KCNN3: variants seen among roughly 807,000 people sequenced by gnomAD.
KCNN3 encodes the protein small conductance calcium-activated potassium channel protein 3.
In KCNN3, 16 loss-of-function variants were observed where a neutral mutation model predicts 62.9. The observed-to-expected ratio is 0.25, with a 90% CI of 0.17 to 0.39. KCNN3 has a LOEUF of 0.39. Ranked by LOEUF, KCNN3 falls within the 10% of genes least tolerant of loss-of-function variation. The pLI, the probability that KCNN3 is intolerant of heterozygous loss-of-function variation, is 1.00. For synonymous variants in KCNN3, 370 were observed against 389.2 expected (o/e 0.95, Z 0.58); for missense variants, 599 against 949.4 (o/e 0.63, Z 4.85).
intron 2 of KCNN3, among the ~76,000 whole-genome samples, chr1:154,791,200 G>A (rs1649497883): frequency 1.4e-5 from 2 of 142,032 alleles, no homozygotes; most frequent in South Asian, 2.2e-4. Flanking sequence ...CCGCACTCCA[G>A]CCTGGGTGAC....
At chr1:154,787,358 G>A (rs962082910) in intron 2 of KCNN3, among the ~76,000 whole-genome samples, 2 of 152,178 alleles carry the variant, frequency 1.3e-5, no homozygotes, top group African/African-American at 4.8e-5. Context: ...CAGGGCCAGG[G>A]CATGCGGCAG....
chr1:154,868,368 C>T (rs1265731860), intron 1 of KCNN3: 1 of 988,292 alleles, frequency 1.0e-6, no homozygotes, highest in Non-Finnish European at 1.2e-6. Context: ...ATTTTTACCC[C>T]ATGCCCTCAG....
chr1:154,839,669 G>A (rs1571326649), intron 1 of KCNN3, among the ~76,000 whole-genome samples: 2 of 152,204 alleles, frequency 1.3e-5, no homozygotes, highest in South Asian at 4.1e-4. Context: ...CACTCGACAA[G>A]GCTGAGGACC....
At chr1:154,723,820 G>A (rs1700406433) in intron 5 of KCNN3, among the ~76,000 whole-genome samples, 1 of 152,158 alleles carries the variant, frequency 6.6e-6, no homozygotes, top group South Asian at 2.1e-4. Context: ...ATTGCTTCAG[G>A]AAAATAGATG....
chr1:154,707,304 TAAGA>T lies in KCNN3; in HGVS notation c.*668_*671del, dbSNP rs1305606761. On this transcript the variant is annotated 3_prime_UTR_variant, in exon 8 of 8. Transcript: ENST00000271915. ...CCTTTTTATTTGGATTAAGCTCAAA[TAAGA>T]AAGGACCTGAAGCGAACGTGGGATG... 5 of 152,186 alleles carry T rather than the reference TAAGA, an allele frequency of 3.3e-5. No individual in the cohort carries two copies. The South Asian group carries it at 6.2e-4, about 19-fold the overall frequency. The allele number at this position is 152,186 out of a possible 1,614,324, so 9.4% of individuals were successfully genotyped here. A position where few individuals can be genotyped will look rare whatever the true frequency, so the allele number is the denominator to read the frequency against.
chr1:154,869,843 T>A lies in KCNN3; in HGVS notation c.122A>T (p.Gln41Leu). The A allele has an allele frequency of 6.4e-7, 1 of 1,573,818 alleles. No individual in the cohort carries two copies. The highest frequency in any genetic ancestry group is 8.6e-7 in the Non-Finnish European group (1 of 1,158,630). ...QQQQQQQQQQ[Q>L]PPPPAPPAAP... is the part of the protein sequence containing the mutation. ...TGCTGGTGGCGCTGGCGGTGGTGGC[T>A]GCTGCTGCTGTTGCTGCTGCTGCTG... Residue 41 changes from glutamine to leucine, a missense_variant, in exon 1 of 8, where the codon CAG becomes CTG. By Grantham distance (113) the Gln-to-Leu change is moderately radical. Transcript: ENST00000271915. This position sits in a 1 kb window ranked among gnomAD's most constrained non-coding sequence, Gnocchi z 6.1.
In KCNN3 at chr1:154,708,279, GGA is replaced by G. The variant is rs765831649; in HGVS notation, c.1900-9_1900-8del. 2 of 1,612,896 alleles carry G rather than the reference GGA, an allele frequency of 1.2e-6. No homozygotes were observed. Among genetic ancestry groups the G allele is most frequent in the Middle Eastern group, 1.8e-4 (1 of 5,510 alleles). ...CATACATGACATTCTGCATCTGTGT[GGA>G]GAGAGAGAGGCGAGAGACAGGGAGA... On this transcript the variant is annotated splice_polypyrimidine_tract_variant and splice_region_variant and intron_variant, in intron 7 of 7. Transcript: ENST00000271915.
At chr1:154,731,987 T>C (rs1700604518) in intron 4 of KCNN3, among the ~76,000 whole-genome samples, 1 of 152,176 alleles carries the variant, frequency 6.6e-6, no homozygotes, top group Admixed American at 6.5e-5. Context: ...CAAAGTGCAA[T>C]GAGGCCCAGG....
intron 7 of KCNN3, among the ~76,000 whole-genome samples, chr1:154,712,052 G>A (rs1002266237): frequency 3.3e-5 from 5 of 151,894 alleles, no homozygotes; most frequent in African/African-American, 1.2e-4. Context: ...GGAAGAGAGA[G>A]ACAGGGAGAG....
chr1:154,860,066 C>A (rs1325711563), intron 1 of KCNN3, among the ~76,000 whole-genome samples: 1 of 152,232 alleles, frequency 6.6e-6, no homozygotes, highest in Non-Finnish European at 1.5e-5. Context: ...GCACGTCCCT[C>A]CCCTGCCCAG....
intron 2 of KCNN3, among the ~76,000 whole-genome samples, chr1:154,775,080 G>A (rs2101843099): frequency 6.6e-6 from 1 of 152,368 alleles, no homozygotes; most frequent in Non-Finnish European, 1.5e-5. Context: ...GGAGATCAGG[G>A]AATGAGGAGC....
chr1:154,746,495 G>C (rs1276971364), intron 3 of KCNN3, among the ~76,000 whole-genome samples: 1 of 152,164 alleles, frequency 6.6e-6, no homozygotes, highest in Non-Finnish European at 1.5e-5. Context: ...GGCCTGCACT[G>C]TTACTCTTGC....
intron 1 of KCNN3, 104 bp downstream of exon 1, chr1:154,868,928 C>G (rs944188118): frequency 9.1e-7 from 1 of 1,099,432 alleles, no homozygotes; most frequent in Non-Finnish European, 1.4e-6. Context: ...CTCTCTCTCT[C>G]TCTCTCTCAA....
At chr1:154,758,063 G>A (rs905739066) in intron 3 of KCNN3, among the ~76,000 whole-genome samples, 4 of 152,150 alleles carry the variant, frequency 2.6e-5, no homozygotes, top group Admixed American at 6.5e-5. Flanking sequence ...TCTTTCGTGC[G>A]GACCCAGAGA....
Position 154,870,196 on chromosome 1 carries a change from G to A in KCNN3, c.-232C>T, listed in dbSNP as rs1358763026. 1.4e-6 allele frequency: 1 copy of A among 695,922 alleles called. No individual in the cohort carries two copies. Among genetic ancestry groups the A allele is most frequent in the African/African-American group, 1.8e-5 (1 of 57,038 alleles). 43.1% of individuals were successfully genotyped at this position (695,922 alleles called of 1,614,324 possible). A position where few individuals can be genotyped will look rare whatever the true frequency, so the allele number is the denominator to read the frequency against. ...AGAGCAGGAGGGGAGCTTGGAGAAA[G>A]AAGAGGGGGTGAAAGAACTCTCTCA... On this transcript the variant is annotated 5_prime_UTR_variant, in exon 1 of 8. Transcript: ENST00000271915.
intron 2 of KCNN3, among the ~76,000 whole-genome samples, chr1:154,773,417 A>T (rs968345866): frequency 6.6e-6 from 1 of 152,238 alleles, no homozygotes; most frequent in African/African-American, 2.4e-5. Context: ...TAGAAAATTA[A>T]TGAAAACCTG....
intron 6 of KCNN3, among the ~76,000 whole-genome samples, chr1:154,714,169 A>G (rs1373378542): frequency 5.6e-4 from 20 of 35,976 alleles, no homozygotes; most frequent in African/African-American, 1.1e-3. Flanking sequence ...GGTGTGTGTG[A>G]TGTGTGGTGT....
At chr1:154,776,778 C>G (rs76078759) in intron 2 of KCNN3, among the ~76,000 whole-genome samples, 16 of 152,150 alleles carry the variant, frequency 1.1e-4, no homozygotes, top group Non-Finnish European at 2.4e-4. Flanking sequence ...AACCTACTTG[C>G]GTCGCACATT....
chr1:154,854,586 C>T lies in KCNN3; in HGVS notation c.933+14446G>A, dbSNP rs558341161. ...AGGCTTATCTATTAAAATGTAAATT[C>T]GTGACAGCAAAGATTTTTCTCTTTT... is the stretch of plus-strand genomic sequence containing the variant. On this transcript the variant is annotated intron_variant, in intron 1 of 7. Coordinates refer to ENST00000271915, the MANE Select transcript of KCNN3 (RefSeq NM_002249.6). Among the ~76,000 whole-genome samples, 7 of 152,240 alleles carry T rather than the reference C, an allele frequency of 4.6e-5. No homozygotes were observed. The South Asian group carries it at 6.2e-4, about 14-fold the overall frequency.
Sources: gnomAD v4.1 joint callset for allele counts (sites outside exome capture counted in the v4.1 genomes callset) on GRCh38, gnomAD v4.1.1 for gene constraint, Gnocchi (gnomAD v3.1) non-coding constraint, MANE v1.5 for transcripts, NCBI Gene and HGNC (gene_info 2026-07-23, HGNC 2026-07-21) for gene names.